Variants in COLEC10 observed in about 807,000 individuals in gnomAD.
COLEC10 encodes the protein collectin subfamily member 10.
In COLEC10, 22 loss-of-function variants were observed where a neutral mutation model predicts 28.4. The ratio of observed to expected loss-of-function variants is 0.78; its 90% CI spans 0.55 to 1.11. The LOEUF (loss-of-function observed/expected upper bound fraction) is 1.11. COLEC10 is among the 50% of genes least tolerant of loss of function. The pLI is 0.00. For synonymous variants in COLEC10, 125 were observed against 116.1 expected, an observed-to-expected ratio of 1.08 and a Z score of -0.49; for missense variants, 361 against 344.1, an observed-to-expected ratio of 1.05 and a Z score of -0.39.
At chr8:118,974,917 G>T in the COLEC10 span, among the ~76,000 whole-genome samples, 1 of 151,972 alleles carries the variant, frequency 6.6e-6, no homozygotes, top group Non-Finnish European at 1.5e-5. Flanking sequence ...GGGGGAAAAA[G>T]GGAGACATTT....
upstream of COLEC10, among the ~76,000 whole-genome samples, chr8:118,994,049 T>C (rs990951874): frequency 4.6e-5 from 7 of 152,154 alleles, no homozygotes; most frequent in African/African-American, 1.7e-4. Context: ...GAACATATTG[T>C]CCCACATGAA....
chr8:119,036,088 GT>G, intron 2 of COLEC10, among the ~76,000 whole-genome samples: 1 of 152,084 alleles, frequency 6.6e-6, no homozygotes, highest in Middle Eastern at 3.4e-3. Context: ...CAAGCACACG[GT>G]TTTAAAAAAC....
In COLEC10 at chr8:119,008,575, A is replaced by G. The variant is rs567217766; in HGVS notation, n.123-866A>G. 2.0e-5 allele frequency among the ~76,000 whole-genome samples: 3 copies of G among 150,394 alleles called. No individual in the cohort carries two copies. In the South Asian group the frequency reaches 6.2e-4, roughly 31 times the overall value. On this transcript the variant is annotated intron_variant and non_coding_transcript_variant, in intron 1 of 6. Transcript: ENST00000521788. ...TCTCTTCAGGGAGATGCTCCTAGAG[A>G]ATAACCAGTGGGATGATTTCCCAGA...
chr8:118,998,278 A>T (rs1050283040), intron 1 of COLEC10, among the ~76,000 whole-genome samples: 2 of 152,138 alleles, frequency 1.3e-5, no homozygotes, highest in Non-Finnish European at 2.9e-5. Context: ...AAATATTTCA[A>T]TTATTCCCAA....
intron 2 of COLEC10, among the ~76,000 whole-genome samples, chr8:119,023,632 G>T (rs1286658568): frequency 6.6e-6 from 1 of 152,048 alleles, no homozygotes; most frequent in Admixed American, 6.6e-5. Flanking sequence ...TTAAATTTTA[G>T]TTATGTTGAA....
chr8:119,038,168 T>C (rs1814424502), intron 2 of COLEC10, among the ~76,000 whole-genome samples: 1 of 152,200 alleles, frequency 6.6e-6, no homozygotes, highest in Non-Finnish European at 1.5e-5. Context: ...AGAATAAACT[T>C]GGGCTTTGAT....
At chr8:118,991,680 G>A (rs576699805), upstream of COLEC10, among the ~76,000 whole-genome samples, 75 of 152,176 alleles carry the variant, frequency 4.9e-4, no homozygotes, top group African/African-American at 1.7e-3. Flanking sequence ...AGAGGCAACT[G>A]TATCTTCTAC....
rs184359761 is a variant in COLEC10 at position 119,104,027 on chromosome 8, C to T, written c.442+132C>T. 4.2e-5 allele frequency: 27 copies of T among 636,116 alleles called. No homozygotes were observed. In the African/African-American group the frequency reaches 4.9e-4, roughly 11 times the overall value. The allele number at this position is 636,116 out of a possible 1,614,324, so 39.4% of individuals were successfully genotyped here. A position where few individuals can be genotyped will look rare whatever the true frequency, so the allele number is the denominator to read the frequency against. Reference sequence around the variant, plus strand: ...GAGATAGTGTCACCAGTTTAAGGGTCTCCCAAATTGCTAATTATCCACTAA... The same window carrying T: ...GAGATAGTGTCACCAGTTTAAGGGTTTCCCAAATTGCTAATTATCCACTAA... On this transcript the variant is annotated intron_variant, in intron 5 of 5. Coordinates refer to ENST00000332843, the MANE Select transcript of COLEC10 (RefSeq NM_006438.5).
At chr8:118,971,298 G>C in the COLEC10 span, among the ~76,000 whole-genome samples, 2 of 151,924 alleles carry the variant, frequency 1.3e-5, no homozygotes, top group Non-Finnish European at 2.9e-5. Context: ...GTCACCTCTG[G>C]ATGATTGAGT....
At chr8:118,975,785 A>G in the COLEC10 span, among the ~76,000 whole-genome samples, 4 of 152,090 alleles carry the variant, frequency 2.6e-5, no homozygotes, top group Non-Finnish European at 5.9e-5. Flanking sequence ...ACCCTGAAGT[A>G]GAGGAAGAAT....
intron 2 of COLEC10, among the ~76,000 whole-genome samples, chr8:119,048,524 T>C (rs920837072): frequency 1.3e-5 from 2 of 152,224 alleles, no homozygotes; most frequent in African/African-American, 4.8e-5. Flanking sequence ...GGTGCTCCAA[T>C]GTTGGATGTA....
chr8:119,041,977 A>AG (rs1248355492), intron 2 of COLEC10, among the ~76,000 whole-genome samples: 2 of 151,948 alleles, frequency 1.3e-5, no homozygotes, highest in African/African-American at 2.4e-5. Context: ...GGCAGGAGGT[A>AG]GGGGGAAGCA....
intron 1 of COLEC10, chr8:119,068,588 T>G (rs1019890716): frequency 6.6e-6 from 1 of 152,166 alleles, no homozygotes; most frequent in African/African-American, 2.4e-5. Context: ...AAATTAAAGT[T>G]TTCCTTGTCC....
chr8:119,100,620 T>A (rs1202787024), intron 3 of COLEC10, among the ~76,000 whole-genome samples: 1 of 152,204 alleles, frequency 6.6e-6, no homozygotes, highest in Non-Finnish European at 1.5e-5. Context: ...TTTCATTCAG[T>A]TGCTGAAGCT....
chr8:119,003,688 G>A (rs910964854), intron 1 of COLEC10, among the ~76,000 whole-genome samples: 3 of 152,000 alleles, frequency 2.0e-5, no homozygotes, highest in African/African-American at 7.2e-5. Context: ...TAGTAAGAGA[G>A]ATCTGATCCC....
chr8:119,009,132 G>A (rs1288923784), intron 1 of COLEC10, among the ~76,000 whole-genome samples: 1 of 150,918 alleles, frequency 6.6e-6, no homozygotes, highest in Non-Finnish European at 1.5e-5. Context: ...CAACACAGGT[G>A]AGGAAAGGAG....
At chr8:119,050,147 C>T (rs1814652221) in intron 2 of COLEC10, among the ~76,000 whole-genome samples, 1 of 152,144 alleles carries the variant, frequency 6.6e-6, no homozygotes, top group South Asian at 2.1e-4. Flanking sequence ...TGAATGTTCC[C>T]TAGTACTTCA....
chr8:119,039,427 G>A (rs1480018483), intron 2 of COLEC10, among the ~76,000 whole-genome samples: 2 of 152,166 alleles, frequency 1.3e-5, no homozygotes, highest in African/African-American at 4.8e-5. Context: ...ACCTAAGAGG[G>A]GAGGAACTAC....
At chr8:118,991,134 C>A (rs145007416), upstream of COLEC10, among the ~76,000 whole-genome samples, 1 of 151,976 alleles carries the variant, frequency 6.6e-6, no homozygotes, top group Non-Finnish European at 1.5e-5. Context: ...TATTTGGGGG[C>A]ATTTTTAATA....
Sources: gnomAD v4.1 joint callset for allele counts (sites outside exome capture counted in the v4.1 genomes callset) on GRCh38, gnomAD v4.1.1 for gene constraint, MANE v1.5 for transcripts, NCBI Gene and HGNC (gene_info 2026-07-23, HGNC 2026-07-21) for gene names.